The following COL5A1 variants were observed in gnomAD, a reference collection of about 807,000 sequenced individuals.
COL5A1 encodes collagen type V alpha 1 chain, also known as collagen alpha-1(V) chain.
Under a neutral mutation model 263.7 loss-of-function variants are expected in COL5A1, and 16 were observed. The observed-to-expected ratio is 0.06, with a 90% CI of 0.04 to 0.09. COL5A1 has a LOEUF of 0.09. Ranked by LOEUF, COL5A1 falls within the 10% of genes least tolerant of loss-of-function variation. The pLI, the probability that COL5A1 is intolerant of heterozygous loss-of-function variation, is 1.00. For missense variants in COL5A1, 2,036 were observed against 2,540.5 expected, an observed-to-expected ratio of 0.80 and a Z score of 4.27; for synonymous variants, 1,012 against 1,004.5, an observed-to-expected ratio of 1.01 and a Z score of -0.14.
intron 37 of COL5A1, among the ~76,000 whole-genome samples, chr9:134,800,749 C>CAAACA (rs769056148): frequency 8.6e-5 from 7 of 81,618 alleles, no homozygotes; most frequent in African/African-American, 1.4e-4. Flanking sequence ...CTGTCTCAAA[C>CAAACA]AAAAAAAAAA....
chr9:134,664,045 G>A (rs574323377), intron 1 of COL5A1, among the ~76,000 whole-genome samples: 2 of 152,364 alleles, frequency 1.3e-5, no homozygotes, highest in African/African-American at 4.8e-5. Context: ...GGAAGGCAGA[G>A]CTTTTGCCCT....
At chr9:134,783,877 C>T (rs558102537) in intron 29 of COL5A1, among the ~76,000 whole-genome samples, 16 of 152,300 alleles carry the variant, frequency 1.1e-4, no homozygotes, top group South Asian at 4.2e-4. Flanking sequence ...AGCGGCTTCT[C>T]GGTTTGATGG....
At position 134,647,378 on chromosome 9, in the gene COL5A1, CGT is replaced by C. The variant is rs141774800; in HGVS notation, c.109+5099_109+5100del. 4.7e-3 allele frequency among the ~76,000 whole-genome samples: 710 copies of C among 150,018 alleles called. 3 individuals are homozygous for C. Among genetic ancestry groups the C allele is most frequent in the African/African-American group, 8.7e-3 (359 of 41,138 alleles). On this transcript the variant is annotated intron_variant, in intron 1 of 65. Coordinates refer to ENST00000371817, the MANE Select transcript of COL5A1 (RefSeq NM_000093.5). This position sits in a 1 kb window ranked among gnomAD's most constrained non-coding sequence, Gnocchi z 5.0. ...TTTGTGTGTATGTGTGTCATGTGTGCGTGTGTGTGTGTGTGTGTCAGGCCGTG... is the reference window on the plus strand; with the variant it reads ...TTTGTGTGTATGTGTGTCATGTGTGCGTGTGTGTGTGTGTGTCAGGCCGTG...
In COL5A1 at chr9:134,652,588, G is replaced by A; in HGVS notation, c.109+10292G>A. The A allele has an allele frequency of 2.5e-6, 1 of 405,054 alleles. No homozygotes were observed. Among genetic ancestry groups the A allele is most frequent in the South Asian group, 1.8e-5 (1 of 56,292 alleles). 25.1% of individuals were successfully genotyped at this position (405,054 alleles called of 1,614,324 possible). A position where few individuals can be genotyped will look rare whatever the true frequency, so the allele number is the denominator to read the frequency against. Reference sequence around the variant, plus strand: ...TATCGGCCTGTAGTTGGGGGAGTCCGAGGATGCTGCTCTGCACCCCACAGT... The same window carrying A: ...TATCGGCCTGTAGTTGGGGGAGTCCAAGGATGCTGCTCTGCACCCCACAGT... On this transcript the variant is annotated intron_variant, in intron 1 of 65. Transcript: ENST00000371817. This position sits in a 1 kb window ranked among gnomAD's most constrained non-coding sequence, Gnocchi z 4.4.
intron 4 of COL5A1, among the ~76,000 whole-genome samples, chr9:134,720,455 G>A (rs1205717966): frequency 6.6e-6 from 1 of 152,240 alleles, no homozygotes; most frequent in Non-Finnish European, 1.5e-5. Flanking sequence ...AGGATGCACT[G>A]TGAAAATGCT....
intron 1 of COL5A1, among the ~76,000 whole-genome samples, chr9:134,661,700 C>CCTTCTTAG (rs1334610129): frequency 6.6e-6 from 1 of 152,134 alleles, no homozygotes; most frequent in African/African-American, 2.4e-5. Flanking sequence ...TCACCCAGCA[C>CCTTCTTAG]CTTCTTAGCT....
Position 134,647,979 on chromosome 9 carries a change from G to A in COL5A1, c.109+5683G>A, listed in dbSNP as rs1831532288. ...AAGTATTAATCCTGCGTGTGTCTAT[G>A]AGAGTGTTGCCAAAGGAGATTAACA... On this transcript the variant is annotated intron_variant, in intron 1 of 65. Coordinates refer to ENST00000371817, the MANE Select transcript of COL5A1 (RefSeq NM_000093.5). This position sits in a 1 kb window ranked among gnomAD's most constrained non-coding sequence, Gnocchi z 5.0. 6.6e-6 allele frequency among the ~76,000 whole-genome samples: 1 copy of A among 152,166 alleles called. No homozygotes were observed. Among genetic ancestry groups the A allele is most frequent in the African/African-American group, 2.4e-5 (1 of 41,424 alleles).
chr9:134,836,427 A>G (rs1839857860), intron 65 of COL5A1, among the ~76,000 whole-genome samples: 1 of 152,208 alleles, frequency 6.6e-6, no homozygotes, highest in African/African-American at 2.4e-5. Flanking sequence ...GCCCACCTCC[A>G]ACACTGGGAC....
rs201785592 is a variant in COL5A1 at position 134,700,080 on chromosome 9, A to G, written c.449A>G (p.Glu150Gly). ...GACCACACGGGGAAGCCTGGCCCGG[A>G]AGACTACCCCCTCTTCCGGGGCATC... is the stretch of plus-strand genomic sequence containing the variant. The part of the protein sequence containing the change: ...YEDHTGKPGP[E>G]DYPLFRGINL... Residue 150 changes from glutamate (E) to glycine (G), a missense_variant, in exon 3 of 66, where the codon GAA (glutamate) becomes GGA (glycine). This residue lies in a region of COL5A1 where 600 missense variants were observed against 634.5 expected (regional missense o/e 0.95). Transcript: ENST00000371817. This position sits in a 1 kb window ranked among gnomAD's most constrained non-coding sequence, Gnocchi z 4.0. The G allele has an allele frequency of 6.2e-7, 1 of 1,611,434 alleles. No homozygotes were observed. The highest frequency in any genetic ancestry group is 1.3e-5 in the African/African-American group (1 of 75,050).
intron 37 of COL5A1, among the ~76,000 whole-genome samples, chr9:134,800,776 AGCTAGTCTGC>A (rs1838086670): frequency 6.8e-6 from 1 of 146,778 alleles, no homozygotes; most frequent in South Asian, 2.2e-4. Flanking sequence ...AAAAAAAAGA[AGCTAGTCTGC>A]TGTGGGTTCA....
In COL5A1 at chr9:134,741,026, A is replaced by T. The variant is rs1588490973; in HGVS notation, c.1494+2218A>T. Among the ~76,000 whole-genome samples the T allele has an allele frequency of 6.6e-6, 1 of 151,932 alleles. No individual in the cohort carries two copies. The highest frequency in any genetic ancestry group is 1.5e-5 in the Non-Finnish European group (1 of 67,946). ...TGGTTCCAGGAGCTGAGAGCTGACC[A>T]CCCCTCTGGGTCCAGCTCCGGCCAG... On this transcript the variant is annotated intron_variant, in intron 11 of 65. Coordinates refer to ENST00000371817, the MANE Select transcript of COL5A1 (RefSeq NM_000093.5). This position sits in a 1 kb window ranked among gnomAD's most constrained non-coding sequence, Gnocchi z 4.5.
At chr9:134,806,332 C>T in intron 42 of COL5A1, 36 bp downstream of exon 42, 1 of 1,438,676 alleles carries the variant, frequency 7.0e-7, no homozygotes, top group Non-Finnish European at 9.5e-7. Context: ...GCCCTTCCCT[C>T]AGAGATGCTG....
At chr9:134,658,600 C>T (rs1250961744) in intron 1 of COL5A1, among the ~76,000 whole-genome samples, 1 of 151,842 alleles carries the variant, frequency 6.6e-6, no homozygotes, top group African/African-American at 2.4e-5. Context: ...TTTGCAGGCC[C>T]CGGAGAGGGG....
intron 4 of COL5A1, among the ~76,000 whole-genome samples, chr9:134,712,081 TCCTG>T (rs1834070081): frequency 8.5e-6 from 1 of 117,818 alleles, no homozygotes; most frequent in Non-Finnish European, 1.7e-5. Flanking sequence ...TACCCCTCCT[TCCTG>T]CCTTCCTTCT....
intron 63 of COL5A1, among the ~76,000 whole-genome samples, chr9:134,828,165 G>C (rs533326287): frequency 6.6e-6 from 1 of 152,288 alleles, no homozygotes; most frequent in East Asian, 1.9e-4. Flanking sequence ...CCCTTGTCCT[G>C]TTTTTGGGAC....
rs1427162895 is a variant in COL5A1 at position 134,741,950 on chromosome 9, A to G, written c.1494+3142A>G. On this transcript the variant is annotated intron_variant, in intron 11 of 65. Coordinates refer to ENST00000371817, the MANE Select transcript of COL5A1 (RefSeq NM_000093.5). The surrounding 1 kb of genome is among the most constrained non-coding windows in gnomAD (Gnocchi z 4.5). ...TGGTGAGTTCCTCAAGACAGGCCTC[A>G]CTTCTGTGCCCTTCCTCACACCCTG... is the stretch of plus-strand genomic sequence containing the variant. Among the ~76,000 whole-genome samples, 2 of 151,438 alleles carry G rather than the reference A, an allele frequency of 1.3e-5. No individual in the cohort carries two copies. The highest frequency in any genetic ancestry group is 4.9e-5 in the African/African-American group (2 of 41,196).
chr9:134,828,469 A>G (rs1252532576), intron 63 of COL5A1, among the ~76,000 whole-genome samples: 2 of 98,928 alleles, frequency 2.0e-5, no homozygotes, highest in African/African-American at 1.2e-4. Context: ...GATGCACACT[A>G]CACACCACAC....
intron 11 of COL5A1, among the ~76,000 whole-genome samples, chr9:134,750,030 C>T (rs761443502): frequency 2.0e-5 from 3 of 152,162 alleles, no homozygotes; most frequent in Admixed American, 2.0e-4. Flanking sequence ...TGTTGCGTGT[C>T]CATCCACGCA....
At chr9:134,769,977 C>T (rs1468865660) in intron 25 of COL5A1, among the ~76,000 whole-genome samples, 2 of 152,314 alleles carry the variant, frequency 1.3e-5, no homozygotes, top group Non-Finnish European at 2.9e-5. Context: ...CCTAAAGAGC[C>T]TGCAGTTTCC....
Sources: gnomAD v4.1 joint callset for allele counts (sites outside exome capture counted in the v4.1 genomes callset) on GRCh38, gnomAD v4.1.1 for gene constraint, gnomAD v4.1.1 regional missense constraint, Gnocchi (gnomAD v3.1) non-coding constraint, MANE v1.5 for transcripts, NCBI Gene and HGNC (gene_info 2026-07-23, HGNC 2026-07-21) for gene names.